CDKAL1: variants seen among roughly 807,000 people sequenced by gnomAD.
CDKAL1 encodes threonylcarbamoyladenosine tRNA methylthiotransferase.
CDKAL1 carries 32 observed loss-of-function variants against 68.2 expected under a neutral mutation model. That is an observed-to-expected ratio of 0.47 (90% CI 0.35 to 0.63). The LOEUF is 0.63. Among genes scored for constraint, CDKAL1 ranks in the 30% least tolerant of loss-of-function variants. The pLI is 0.00. For synonymous variants in CDKAL1, 234 were observed against 244.3 expected, an observed-to-expected ratio of 0.96 and a Z score of 0.39; for missense variants, 606 against 696.7, an observed-to-expected ratio of 0.87 and a Z score of 1.47.
chr6:21,230,803 C>G (rs12200511), intron 15 of CDKAL1, 45 bp from the exon 16 acceptor site: 277,846 of 1,460,382 alleles, frequency 0.19, 27,753 homozygotes, highest in South Asian at 0.25. Context: ...ACAGGGCTTT[C>G]TCTGCATCTA....
At chr6:20,892,954 A>C (rs922319813) in intron 9 of CDKAL1, among the ~76,000 whole-genome samples, 1 of 152,208 alleles carries the variant, frequency 6.6e-6, no homozygotes, top group Admixed American at 6.5e-5. Context: ...AGGTTCACAA[A>C]GGTCACTTTT....
intron 5 of CDKAL1, among the ~76,000 whole-genome samples, chr6:20,716,020 G>T (rs945711525): frequency 6.6e-6 from 1 of 152,100 alleles, no homozygotes; most frequent in East Asian, 1.9e-4. Context: ...CAGCTAGTGC[G>T]TGCTCATGGG....
intron 10 of CDKAL1, among the ~76,000 whole-genome samples, chr6:20,987,171 G>A (rs1203166411): frequency 1.3e-5 from 2 of 151,858 alleles, no homozygotes; most frequent in African/African-American, 4.8e-5. Context: ...CTTAAGTTTT[G>A]GTTACCTATG....
intron 4 of CDKAL1, among the ~76,000 whole-genome samples, chr6:20,626,667 A>G (rs1042533672): frequency 6.6e-6 from 1 of 152,192 alleles, no homozygotes; most frequent in South Asian, 2.1e-4. Context: ...GAGGGTAGAT[A>G]TCTGCCAACA....
At chr6:21,131,272 G>C (rs1341540142) in intron 13 of CDKAL1, among the ~76,000 whole-genome samples, 1 of 152,104 alleles carries the variant, frequency 6.6e-6, no homozygotes, top group Non-Finnish European at 1.5e-5. Context: ...TTTAGTTGTA[G>C]ATATAAATAT....
intron 7 of CDKAL1, among the ~76,000 whole-genome samples, chr6:20,774,882 A>T (rs1388203801): frequency 6.6e-6 from 1 of 152,230 alleles, no homozygotes; most frequent in Non-Finnish European, 1.5e-5. Flanking sequence ...TGAAAACCTC[A>T]GGGCTTAAAA....
intron 4 of CDKAL1, among the ~76,000 whole-genome samples, chr6:20,630,397 A>C (rs1426753336): frequency 6.6e-6 from 1 of 151,494 alleles, no homozygotes; most frequent in East Asian, 1.9e-4. Flanking sequence ...TATCAGTCCC[A>C]CCTATTGTCT....
intron 5 of CDKAL1, among the ~76,000 whole-genome samples, chr6:20,656,482 CTT>C (rs879580546): frequency 7.0e-6 from 1 of 142,432 alleles, no homozygotes. Flanking sequence ...TCAGAGAATG[CTT>C]TTTTTTTTTA....
intron 12 of CDKAL1, among the ~76,000 whole-genome samples, chr6:21,093,005 C>T (rs971803701): frequency 6.6e-6 from 1 of 151,332 alleles, no homozygotes; most frequent in African/African-American, 2.4e-5. Context: ...AAGGGTCCAA[C>T]ATTCAAATAA....
At chr6:21,213,106 C>T (rs189010907) in intron 15 of CDKAL1, among the ~76,000 whole-genome samples, 257 of 152,206 alleles carry the variant, frequency 1.7e-3, no homozygotes, top group Admixed American at 2.7e-3. Context: ...CCCTTACGCA[C>T]ATCAGGTCAG....
intron 11 of CDKAL1, among the ~76,000 whole-genome samples, chr6:21,054,858 A>G (rs368859446): frequency 1.3e-5 from 2 of 152,102 alleles, no homozygotes; most frequent in African/African-American, 4.8e-5. Context: ...TAGGCTCAGT[A>G]GATTCTTTAG....
At chr6:20,764,075 CTTTTTTTTG>C (rs1194979438) in intron 7 of CDKAL1, among the ~76,000 whole-genome samples, 9 of 151,898 alleles carry the variant, frequency 5.9e-5, no homozygotes, top group Admixed American at 5.9e-4. Context: ...TCATTAAAAA[CTTTTTTTTG>C]TATGAAAACT....
intron 11 of CDKAL1, among the ~76,000 whole-genome samples, chr6:21,035,889 A>C (rs1376654606): frequency 6.6e-6 from 1 of 152,186 alleles, no homozygotes; most frequent in African/African-American, 2.4e-5. Context: ...GCAGAATTCT[A>C]TTAGATTCTA....
intron 11 of CDKAL1, among the ~76,000 whole-genome samples, chr6:21,024,085 A>G (rs1398082517): frequency 6.6e-6 from 1 of 152,242 alleles, no homozygotes; most frequent in Non-Finnish European, 1.5e-5. Context: ...ATTTTAGCCA[A>G]GAAAATAATG....
At chr6:20,969,791 G>A (rs1287970285) in intron 10 of CDKAL1, among the ~76,000 whole-genome samples, 1 of 152,170 alleles carries the variant, frequency 6.6e-6, no homozygotes, top group Non-Finnish European at 1.5e-5. Flanking sequence ...AGCCAGAGGT[G>A]AGAGTTTAGC....
At chr6:20,929,537 G>A (rs113412160) in intron 9 of CDKAL1, among the ~76,000 whole-genome samples, 3 of 152,252 alleles carry the variant, frequency 2.0e-5, no homozygotes, top group African/African-American at 7.2e-5. Flanking sequence ...TTTTGTTTAT[G>A]CCTTATGTAT....
At chr6:21,128,771 A>G (rs1775142198) in intron 13 of CDKAL1, among the ~76,000 whole-genome samples, 1 of 152,238 alleles carries the variant, frequency 6.6e-6, no homozygotes, top group African/African-American at 2.4e-5. Context: ...GTAATAGCAG[A>G]AAGTATATCA....
At chr6:20,651,935 T>C (rs1768789163) in intron 5 of CDKAL1, among the ~76,000 whole-genome samples, 1 of 152,240 alleles carries the variant, frequency 6.6e-6, no homozygotes, top group Admixed American at 6.5e-5. Context: ...TTTGATGTGC[T>C]GCTGGATTCG....
intron 13 of CDKAL1, among the ~76,000 whole-genome samples, chr6:21,174,403 A>G (rs1459989824): frequency 1.3e-5 from 2 of 152,214 alleles, no homozygotes; most frequent in Non-Finnish European, 2.9e-5. Context: ...AAAAACTTAC[A>G]CATAATGAAT....
Sources: allele counts gnomAD v4.1 joint callset (sites outside exome capture counted in the v4.1 genomes callset), GRCh38; gene constraint gnomAD v4.1.1; transcripts MANE v1.5; gene names NCBI Gene and HGNC (gene_info 2026-07-23, HGNC 2026-07-21).